Variants in PIP5K1C observed in about 807,000 individuals in gnomAD.
PIP5K1C encodes phosphatidylinositol-4-phosphate 5-kinase type 1 gamma, also known as phosphatidylinositol 4-phosphate 5-kinase type-1 gamma.
A neutral mutation model predicts 80.1 loss-of-function variants in PIP5K1C; 45 were observed. The observed-to-expected ratio is 0.56, with a 90% CI of 0.44 to 0.72. The LOEUF is 0.72. Among genes scored for constraint, PIP5K1C ranks in the 30% least tolerant of loss-of-function variants. PIP5K1C has a pLI of 0.00. For synonymous variants in PIP5K1C, 498 were observed against 420.1 expected, an observed-to-expected ratio of 1.19 and a Z score of -2.27; for missense variants, 753 against 954.6, an observed-to-expected ratio of 0.79 and a Z score of 2.78.
rs559380761 is a variant in PIP5K1C, at chr19:3,688,413, G to A, written c.94+11884C>T. Among the ~76,000 whole-genome samples the A allele has an allele frequency of 2.0e-5, 3 of 152,304 alleles. No individual in the cohort carries two copies. Among genetic ancestry groups the A allele is most frequent in the South Asian group, 2.1e-4 (1 of 4,832 alleles). On this transcript the variant is annotated intron_variant, in intron 1 of 17. Coordinates refer to ENST00000335312, the MANE Select transcript of PIP5K1C (RefSeq NM_012398.3). The surrounding 1 kb of genome is among the most constrained non-coding windows in gnomAD (Gnocchi z 5.3). Reference sequence around the variant, plus strand: ...CGGCCTCTGGCCCCCTGCTGTGGGCGGGGAGGGATCTAGAAGACCGGAAGG... The same window carrying A: ...CGGCCTCTGGCCCCCTGCTGTGGGCAGGGAGGGATCTAGAAGACCGGAAGG...
At chr19:3,681,298 T>C (rs910992400) in intron 1 of PIP5K1C, among the ~76,000 whole-genome samples, 1 of 151,874 alleles carries the variant, frequency 6.6e-6, no homozygotes, top group African/African-American at 2.4e-5. Context: ...TGGCATGATT[T>C]TGGCTCACTG....
chr19:3,686,244 C>T lies in PIP5K1C; in HGVS notation c.94+14053G>A, dbSNP rs191628563. On this transcript the variant is annotated intron_variant, in intron 1 of 17. Transcript: ENST00000335312. ...CGGTAATCCTAGCACTTTGGGAGGC[C>T]GATCCTCCCAAATACAAATACAAAA... 2.2e-3 allele frequency among the ~76,000 whole-genome samples: 338 copies of T among 152,102 alleles called. 1 individual carries two copies. The highest frequency in any genetic ancestry group is 3.4e-3 in the Middle Eastern group (1 of 294).
chr19:3,684,177 C>T (rs76469567), intron 1 of PIP5K1C, among the ~76,000 whole-genome samples: 5 of 152,292 alleles, frequency 3.3e-5, no homozygotes, highest in African/African-American at 1.2e-4. Context: ...TAAGAAGAGC[C>T]TCCCGCTCAC....
At chr19:3,697,046 G>A (rs955657076) in intron 1 of PIP5K1C, among the ~76,000 whole-genome samples, 1 of 151,504 alleles carries the variant, frequency 6.6e-6, no homozygotes, top group Admixed American at 6.6e-5. Context: ...AAGGAGGACT[G>A]AGCTGGACCG....
At chr19:3,678,608 G>A (rs1249802743) in intron 1 of PIP5K1C, among the ~76,000 whole-genome samples, 6 of 109,476 alleles carry the variant, frequency 5.5e-5, no homozygotes, top group East Asian at 3.1e-4. Context: ...GGATGGAGGG[G>A]TGGAAGGAGG....
At chr19:3,663,226 C>T (rs2034896578) in intron 3 of PIP5K1C, among the ~76,000 whole-genome samples, 2 of 152,346 alleles carry the variant, frequency 1.3e-5, no homozygotes, top group African/African-American at 4.8e-5. Context: ...GCTCTCGCGC[C>T]ATGTTCACTT....
At position 3,662,117 on chromosome 19, in the gene PIP5K1C, C is replaced by A. The variant is rs981394485; in HGVS notation, c.220-116G>T. ...GCTGCAGCTTGGGACCCGGCACCTGCCAACCCCCTCCTGGTGGTCCCCGGG... is the reference window on the plus strand; with the variant it reads ...GCTGCAGCTTGGGACCCGGCACCTGACAACCCCCTCCTGGTGGTCCCCGGG... On this transcript the variant is annotated intron_variant, in intron 3 of 17. Coordinates refer to ENST00000335312, the MANE Select transcript of PIP5K1C (RefSeq NM_012398.3). 4.1e-5 allele frequency: 52 copies of A among 1,278,200 alleles called. No homozygotes were observed. The East Asian group carries it at 1.1e-3, about 28-fold the overall frequency. The allele number at this position is 1,278,200 out of a possible 1,614,324, so 79.2% of individuals were successfully genotyped here. A position where few individuals can be genotyped will look rare whatever the true frequency, so the allele number is the denominator to read the frequency against.
intron 1 of PIP5K1C, among the ~76,000 whole-genome samples, chr19:3,679,071 C>A (rs995838199): frequency 2.0e-5 from 3 of 151,970 alleles, no homozygotes; most frequent in African/African-American, 7.3e-5. Flanking sequence ...AGTCGTGGGT[C>A]TACTGCCCAA....
At chr19:3,641,103 T>C (rs2033942458) in intron 15 of PIP5K1C, among the ~76,000 whole-genome samples, 1 of 151,754 alleles carries the variant, frequency 6.6e-6, no homozygotes, top group South Asian at 2.1e-4. Context: ...TAGTCCCAGC[T>C]ACTCAGGAGG....
At chr19:3,640,145 A>G (rs1201191233) in intron 15 of PIP5K1C, among the ~76,000 whole-genome samples, 1 of 152,238 alleles carries the variant, frequency 6.6e-6, no homozygotes, top group African/African-American at 2.4e-5. Flanking sequence ...TCAGGCAAAA[A>G]TCATTACAAA....
chr19:3,668,442 T>G (rs1029046930), intron 1 of PIP5K1C: 1 of 152,140 alleles, frequency 6.6e-6, no homozygotes, highest in African/African-American at 2.4e-5. Context: ...GCGCTGTGGC[T>G]GTGAAGAGGG....
chr19:3,654,696 C>A (rs2034561682), intron 6 of PIP5K1C, among the ~76,000 whole-genome samples: 1 of 151,894 alleles, frequency 6.6e-6, no homozygotes, highest in African/African-American at 2.4e-5. Context: ...TGCCTGTAAT[C>A]CCAGCTGCTT....
At chr19:3,671,067 A>T (rs118118372) in intron 1 of PIP5K1C, among the ~76,000 whole-genome samples, 156 of 152,260 alleles carry the variant, frequency 1.0e-3, no homozygotes, top group Admixed American at 1.8e-3. Flanking sequence ...GAAGGAAAAG[A>T]AGAGAGGGCA....
intron 7 of PIP5K1C, among the ~76,000 whole-genome samples, chr19:3,652,920 T>C (rs562634642): frequency 3.9e-5 from 6 of 152,268 alleles, no homozygotes; most frequent in Non-Finnish European, 7.4e-5. Flanking sequence ...GAACCACTTC[T>C]CAGCAGTGCA....
rs1255140642 is a variant in PIP5K1C at position 3,688,002 on chromosome 19, G to A, written c.94+12295C>T. On this transcript the variant is annotated intron_variant, in intron 1 of 17. Transcript: ENST00000335312. This position sits in a 1 kb window ranked among gnomAD's most constrained non-coding sequence, Gnocchi z 5.3. ...AGCTCCCGGGCGGGCCGGGGCAGGA[G>A]GCTGTGGGGCGTGGCCAGCCCGCAG... is the stretch of plus-strand genomic sequence containing the variant. Among the ~76,000 whole-genome samples the A allele has an allele frequency of 6.6e-6, 1 of 152,224 alleles. No individual in the cohort carries two copies. The highest frequency in any genetic ancestry group is 2.4e-5 in the African/African-American group (1 of 41,452).
rs912299499 is a variant in PIP5K1C, at chr19:3,682,707, A to T, written c.95-15354T>A. Among the ~76,000 whole-genome samples, 6 of 152,166 alleles carry T rather than the reference A, an allele frequency of 3.9e-5. No homozygotes were observed. The South Asian group carries it at 6.2e-4, about 16-fold the overall frequency. ...GTCCCTATAAAAAAATTAAAAAAAT[A>T]AAAAATAAAGAGCAGAAGCTCTCTT... On this transcript the variant is annotated intron_variant, in intron 1 of 17. Transcript: ENST00000335312.
chr19:3,685,433 A>C (rs1025751759), intron 1 of PIP5K1C, among the ~76,000 whole-genome samples: 1 of 152,166 alleles, frequency 6.6e-6, no homozygotes, highest in African/African-American at 2.4e-5. Context: ...ACAGCCCACT[A>C]AAGAAAGTTT....
In PIP5K1C at chr19:3,631,946, CCT is replaced by C. The variant is rs761247651; in HGVS notation, c.*1219_*1220del. 2 of 152,250 alleles carry C rather than the reference CCT, an allele frequency of 1.3e-5. No individual in the cohort carries two copies. Among genetic ancestry groups the C allele is most frequent in the Admixed American group, 1.3e-4 (2 of 15,282 alleles). 9.4% of individuals were successfully genotyped at this position (152,250 alleles called of 1,614,324 possible). A position where few individuals can be genotyped will look rare whatever the true frequency, so the allele number is the denominator to read the frequency against. Reference sequence around the variant, plus strand: ...TTCCCACAGCCATCACCAATAAGCCCCTCTCAGGGGTCCTGGGGAAGGGCAGG... The same window carrying C: ...TTCCCACAGCCATCACCAATAAGCCCCTCAGGGGTCCTGGGGAAGGGCAGG... On this transcript the variant is annotated 3_prime_UTR_variant, in exon 18 of 18. Transcript: ENST00000335312.
At chr19:3,641,993 G>A (rs928143783) in intron 14 of PIP5K1C, among the ~76,000 whole-genome samples, 184 bp from the exon 15 acceptor site, 1 of 152,180 alleles carries the variant, frequency 6.6e-6, no homozygotes, top group African/African-American at 2.4e-5. Flanking sequence ...TGGTGACTGT[G>A]GTGCCAGCAG....
Sources: allele counts gnomAD v4.1 joint callset (sites outside exome capture counted in the v4.1 genomes callset), GRCh38; gene constraint gnomAD v4.1.1; non-coding constraint Gnocchi (gnomAD v3.1); transcripts MANE v1.5; gene names NCBI Gene and HGNC (gene_info 2026-07-23, HGNC 2026-07-21).